SYNJ2BP: variants seen among roughly 807,000 people sequenced by gnomAD.
The protein encoded by SYNJ2BP is synaptojanin 2 binding protein, also known as synaptojanin-2-binding protein.
SYNJ2BP carries 10 observed loss-of-function variants against 16.9 expected under a neutral mutation model. The ratio of observed to expected loss-of-function variants is 0.59; its 90% CI spans 0.36 to 1.00. The LOEUF (loss-of-function observed/expected upper bound fraction) is 1.00, where lower values mean the gene tolerates loss of function less well. Ranked by LOEUF, SYNJ2BP falls within the 50% of genes least tolerant of loss-of-function variation. The pLI, the probability that SYNJ2BP is intolerant of heterozygous loss-of-function variation, is 0.01. For missense variants in SYNJ2BP, 162 were observed against 186.7 expected (o/e 0.87, Z 0.77); for synonymous variants, 54 against 68.4 (o/e 0.79, Z 1.04).
chr14:70,372,682 C>A lies in SYNJ2BP; in HGVS notation c.*309G>T, dbSNP rs1594939287. The A allele has an allele frequency of 4.2e-6, 1 of 239,034 alleles. No homozygotes were observed. The highest frequency in any genetic ancestry group is 8.0e-6 in the Non-Finnish European group (1 of 124,868). The allele number at this position is 239,034 out of a possible 1,614,324, so 14.8% of individuals were successfully genotyped here. A position where few individuals can be genotyped will look rare whatever the true frequency, so the allele number is the denominator to read the frequency against. On this transcript the variant is annotated 3_prime_UTR_variant, in exon 4 of 4. Transcript: ENST00000256366. ...TGCCAGCTAAGAAAAAAGGTATTGC[C>A]TATGGTGACAGGAAGACTCAATCTT...
chr14:70,375,266 A>G (rs1887604414), intron 3 of SYNJ2BP, among the ~76,000 whole-genome samples: 1 of 140,076 alleles, frequency 7.1e-6, no homozygotes, highest in East Asian at 2.1e-4. Context: ...TAGTGGTATG[A>G]TCTTGGCTCA....
rs1489174200 is a variant in SYNJ2BP, at chr14:70,371,511, C to T, written c.*1480G>A. On this transcript the variant is annotated 3_prime_UTR_variant, in exon 4 of 4. Transcript: ENST00000256366. ...CACTGCAACCTCCGTCTCCCAGGTC[C>T]TGGTTCAAACAGTTCTCCTGCCTCA... is the stretch of plus-strand genomic sequence containing the variant. 6.6e-6 allele frequency: 1 copy of T among 152,334 alleles called. No homozygotes were observed. Among genetic ancestry groups the T allele is most frequent in the Non-Finnish European group, 1.5e-5 (1 of 68,154 alleles). The allele number at this position is 152,334 out of a possible 1,614,324, so 9.4% of individuals were successfully genotyped here.
intron 2 of SYNJ2BP, among the ~76,000 whole-genome samples, chr14:70,376,736 A>G (rs929904584): frequency 2.4e-4 from 37 of 152,212 alleles, no homozygotes; most frequent in African/African-American, 8.2e-4. Context: ...GCTCAGTGAG[A>G]TTTGTGCTGG....
intron 1 of SYNJ2BP, among the ~76,000 whole-genome samples, chr14:70,408,654 C>T (rs1458897822): frequency 8.0e-6 from 1 of 124,420 alleles, no homozygotes; most frequent in Non-Finnish European, 1.6e-5. Context: ...GCCTGGGCAA[C>T]AAGAACAAAA....
chr14:70,405,117 A>C (rs894280752), intron 1 of SYNJ2BP, among the ~76,000 whole-genome samples: 3 of 152,098 alleles, frequency 2.0e-5, no homozygotes, highest in Non-Finnish European at 4.4e-5. Flanking sequence ...ACAGGGTGAG[A>C]CCCTGTCAGT....
At position 70,372,043 on chromosome 14, in the gene SYNJ2BP, G is replaced by A. The variant is rs1446875548; in HGVS notation, c.*948C>T. 6.6e-6 allele frequency: 1 copy of A among 152,078 alleles called. No homozygotes were observed. The highest frequency in any genetic ancestry group is 1.9e-4 in the East Asian group (1 of 5,182). 9.4% of individuals were successfully genotyped at this position (152,078 alleles called of 1,614,324 possible). On this transcript the variant is annotated 3_prime_UTR_variant, in exon 4 of 4. Coordinates refer to ENST00000256366, the MANE Select transcript of SYNJ2BP (RefSeq NM_018373.3). ...TTAGATGTGAGCAGCGCTGGATTAT[G>A]GCAATTTACCTTATAATAACTCACC...
At chr14:70,400,234 G>A (rs77131624) in intron 1 of SYNJ2BP, among the ~76,000 whole-genome samples, 3,402 of 152,222 alleles carry the variant, frequency 0.022, 114 homozygotes, top group African/African-American at 0.077. Flanking sequence ...TCCTAAGGTC[G>A]TTTCATTCAA....
intron 2 of SYNJ2BP, among the ~76,000 whole-genome samples, chr14:70,386,036 C>T (rs960523315): frequency 6.6e-6 from 1 of 152,190 alleles, no homozygotes; most frequent in African/African-American, 2.4e-5. Flanking sequence ...TTAACCAAAG[C>T]TTTTAAAATA....
intron 1 of SYNJ2BP, among the ~76,000 whole-genome samples, chr14:70,403,850 G>T (rs1888292387): frequency 6.6e-6 from 1 of 152,152 alleles, no homozygotes; most frequent in South Asian, 2.1e-4. Context: ...TTCGGGTCTG[G>T]ATCAGGACCC....
At chr14:70,378,083 G>C (rs1312085595) in intron 2 of SYNJ2BP, among the ~76,000 whole-genome samples, 1 of 131,652 alleles carries the variant, frequency 7.6e-6, no homozygotes. Context: ...CTCCTATCTT[G>C]GCATATGAAC....
chr14:70,404,235 T>C (rs1367622594), intron 1 of SYNJ2BP, among the ~76,000 whole-genome samples: 3 of 151,808 alleles, frequency 2.0e-5, no homozygotes, highest in Non-Finnish European at 4.4e-5. Flanking sequence ...TGAGCCATAA[T>C]AGCACCACTC....
chr14:70,408,284 A>T (rs1008726271), intron 1 of SYNJ2BP, among the ~76,000 whole-genome samples: 1 of 152,182 alleles, frequency 6.6e-6, no homozygotes, highest in African/African-American at 2.4e-5. Flanking sequence ...CTCCCCACAT[A>T]GCAGTATCCT....
chr14:70,408,454 T>C (rs971457244), intron 1 of SYNJ2BP, among the ~76,000 whole-genome samples: 5 of 152,120 alleles, frequency 3.3e-5, no homozygotes, highest in African/African-American at 1.2e-4. Context: ...GTGGATCACC[T>C]GAGATCAGGA....
At chr14:70,401,319 C>A (rs1212157803) in intron 1 of SYNJ2BP, among the ~76,000 whole-genome samples, 15 of 152,062 alleles carry the variant, frequency 9.9e-5, no homozygotes, top group Admixed American at 9.2e-4. Flanking sequence ...TAGGGCTGGG[C>A]ATGGCAGCTC....
At position 70,372,199 on chromosome 14, in the gene SYNJ2BP, T is replaced by C. The variant is rs912721481; in HGVS notation, c.*792A>G. 1.3e-5 allele frequency: 2 copies of C among 152,278 alleles called. No individual in the cohort carries two copies. The highest frequency in any genetic ancestry group is 4.2e-4 in the South Asian group (2 of 4,814). The allele number at this position is 152,278 out of a possible 1,614,324, so 9.4% of individuals were successfully genotyped here. A position where few individuals can be genotyped will look rare whatever the true frequency, so the allele number is the denominator to read the frequency against. On this transcript the variant is annotated 3_prime_UTR_variant, in exon 4 of 4. Coordinates refer to ENST00000256366, the MANE Select transcript of SYNJ2BP (RefSeq NM_018373.3). Reference sequence around the variant, plus strand: ...TGCTATGTTGCCCAGGCTGGTCTCCTGGACTCAAGCAATCTCCCACTTCAG... The same window carrying C: ...TGCTATGTTGCCCAGGCTGGTCTCCCGGACTCAAGCAATCTCCCACTTCAG...
At chr14:70,387,027 C>A (rs74065332) in intron 2 of SYNJ2BP, among the ~76,000 whole-genome samples, 2,339 of 152,250 alleles carry the variant, frequency 0.015, 36 homozygotes, top group South Asian at 0.035. Context: ...CTCTTCGGAC[C>A]ATGGGCTTAT....
rs1269506231 is a variant in SYNJ2BP, at chr14:70,373,195, G to A, written c.298-64C>T. 6 of 1,592,214 alleles carry A rather than the reference G, an allele frequency of 3.8e-6. No individual in the cohort carries two copies. In the African/African-American group the frequency reaches 4.0e-5, roughly 11 times the overall value. ...GTGTGTTTGCAACTGAAACGCCCAG[G>A]TTGATACATCACCTGGGTTTGTAGA... On this transcript the variant is annotated intron_variant, in intron 3 of 3. Transcript: ENST00000256366.
intron 3 of SYNJ2BP, among the ~76,000 whole-genome samples, chr14:70,373,453 A>T (rs1178613341): frequency 6.6e-6 from 1 of 152,182 alleles, no homozygotes. Context: ...TGAAGACATG[A>T]GATAAAACCT....
At chr14:70,382,775 G>A (rs1360239140) in intron 2 of SYNJ2BP, among the ~76,000 whole-genome samples, 2 of 152,228 alleles carry the variant, frequency 1.3e-5, no homozygotes, top group Non-Finnish European at 2.9e-5. Context: ...CTAGTTAACT[G>A]ATGAGGAAAC....
Sources: gnomAD v4.1 joint callset for allele counts (sites outside exome capture counted in the v4.1 genomes callset) on GRCh38, gnomAD v4.1.1 for gene constraint, MANE v1.5 for transcripts, NCBI Gene and HGNC (gene_info 2026-07-23, HGNC 2026-07-21) for gene names.